BTBD9: variants seen among roughly 807,000 people sequenced by gnomAD.
The protein encoded by BTBD9 is BTB domain containing 9.
BTBD9 carries 49 observed loss-of-function variants against 64.3 expected under a neutral mutation model. That is an observed-to-expected ratio of 0.76 (90% CI 0.61 to 0.97). The LOEUF is 0.97. Ranked by LOEUF, BTBD9 falls within the 50% of genes least tolerant of loss-of-function variation. BTBD9 has a pLI of 0.00. For missense variants in BTBD9, 598 were observed against 762.1 expected (o/e 0.78, Z 2.53); for synonymous variants, 260 against 274.7 (o/e 0.95, Z 0.53).
At chr6:38,297,927 A>G (rs142786561) in intron 7 of BTBD9, among the ~76,000 whole-genome samples, 21 of 145,522 alleles carry the variant, frequency 1.4e-4, no homozygotes, top group Non-Finnish European at 2.7e-4. Context: ...TGCAAGCTCC[A>G]CCTCCTGGGT....
At chr6:38,480,870 G>T (rs185424713) in intron 6 of BTBD9, among the ~76,000 whole-genome samples, 1 of 152,300 alleles carries the variant, frequency 6.6e-6, no homozygotes, top group Admixed American at 6.5e-5. Flanking sequence ...CCATCACACA[G>T]GCTGACACTA....
intron 6 of BTBD9, among the ~76,000 whole-genome samples, chr6:38,470,196 A>G (rs1770585185): frequency 6.6e-6 from 1 of 152,246 alleles, no homozygotes; most frequent in Non-Finnish European, 1.5e-5. Context: ...TGCAGTTGTT[A>G]AACGGGCTTT....
intron 6 of BTBD9, among the ~76,000 whole-genome samples, chr6:38,362,284 AAAGTT>A (rs745394074): frequency 2.2e-4 from 33 of 152,334 alleles, no homozygotes; most frequent in Non-Finnish European, 4.4e-4. Context: ...ACGTTGTATC[AAAGTT>A]AAGTGTCTAC....
intron 9 of BTBD9, among the ~76,000 whole-genome samples, chr6:38,222,256 TG>T (rs547717895): frequency 0.017 from 2,015 of 115,882 alleles, 339 homozygotes; most frequent in African/African-American, 0.066. Context: ...TTCATTCAGT[TG>T]TTTTTTTTTT....
intron 7 of BTBD9, among the ~76,000 whole-genome samples, chr6:38,300,185 T>C (rs2127562954): frequency 6.6e-6 from 1 of 152,298 alleles, no homozygotes; most frequent in African/African-American, 2.4e-5. Context: ...CAGCATTATT[T>C]CTGAGGGCTC....
At chr6:38,588,107 C>T (rs1445359882) in intron 4 of BTBD9, 5 of 737,226 alleles carry the variant, frequency 6.8e-6, no homozygotes, top group Non-Finnish European at 1.3e-5. Context: ...TGCACCGTGT[C>T]TGCGGGCTCT....
At chr6:38,604,821 C>T (rs1477089841) in intron 1 of BTBD9, among the ~76,000 whole-genome samples, 1 of 152,114 alleles carries the variant, frequency 6.6e-6, no homozygotes, top group Admixed American at 6.6e-5. Context: ...GACTGCAATA[C>T]AAACCACAGG....
At chr6:38,218,245 C>G (rs1024718406) in intron 9 of BTBD9, among the ~76,000 whole-genome samples, 1 of 152,202 alleles carries the variant, frequency 6.6e-6, no homozygotes, top group Admixed American at 6.5e-5. Context: ...TTAGGCCACA[C>G]AGATCTCTGT....
chr6:38,442,946 G>A (rs1769104682), intron 6 of BTBD9, among the ~76,000 whole-genome samples: 1 of 152,040 alleles, frequency 6.6e-6, no homozygotes, highest in Non-Finnish European at 1.5e-5. Flanking sequence ...GGGATTACAT[G>A]TGTGAGCCAC....
chr6:38,334,035 T>G (rs972628025), intron 7 of BTBD9, among the ~76,000 whole-genome samples: 1 of 152,182 alleles, frequency 6.6e-6, no homozygotes, highest in Non-Finnish European at 1.5e-5. Flanking sequence ...CAGATGCAGA[T>G]GAGGAACTTA....
intron 6 of BTBD9, among the ~76,000 whole-genome samples, chr6:38,564,760 T>C (rs537509601): frequency 1.0e-3 from 158 of 151,854 alleles, no homozygotes; most frequent in Admixed American, 1.8e-3. Context: ...GGCGTGGTGG[T>C]AGGCACCTGT....
At chr6:38,196,115 A>G (rs1429001224) in intron 9 of BTBD9, among the ~76,000 whole-genome samples, 5 of 152,068 alleles carry the variant, frequency 3.3e-5, no homozygotes, top group Admixed American at 6.5e-5. Flanking sequence ...AGCAGGCTTT[A>G]CTCCTGGTCT....
rs1364341683 is a variant in BTBD9, at chr6:38,266,043, T to G, written c.1455-9527A>C. On this transcript the variant is annotated intron_variant, in intron 8 of 10. Coordinates refer to ENST00000481247, the MANE Select transcript of BTBD9 (RefSeq NM_001099272.2). ...CACAGTCCTCACTAGTTTCAAAATG[T>G]TTTTGCATACATTATCACATTTGGA... Among the ~76,000 whole-genome samples, 3 of 152,308 alleles carry G rather than the reference T, an allele frequency of 2.0e-5. No individual in the cohort carries two copies. In the East Asian group the frequency reaches 5.8e-4, roughly 29 times the overall value.
At chr6:38,352,776 A>T (rs1454065332) in intron 6 of BTBD9, among the ~76,000 whole-genome samples, 1 of 152,162 alleles carries the variant, frequency 6.6e-6, no homozygotes, top group Non-Finnish European at 1.5e-5. Flanking sequence ...AAAATAAAAC[A>T]AACATAGCTA....
In BTBD9 at chr6:38,592,581, A is replaced by T; in HGVS notation, c.809T>A (p.Met270Lys). The T allele has an allele frequency of 6.2e-7, 1 of 1,614,098 alleles. No individual in the cohort carries two copies. Among genetic ancestry groups the T allele is most frequent in the Admixed American group, 1.7e-5 (1 of 60,020 alleles). The change falls in exon 4 of 11, where the codon ATG becomes AAG. Residue 270 changes from methionine (M) to lysine (K), a missense_variant. Coordinates refer to ENST00000481247, the MANE Select transcript of BTBD9 (RefSeq NM_001099272.2). ...SRDMDLNYRG[M>K]LIPEENIATM... ...TAGGATAGACAGGTACTTACTGAGCATGCCTCTATAATTGAGGTCCATATC... is the reference window on the plus strand; with the variant it reads ...TAGGATAGACAGGTACTTACTGAGCTTGCCTCTATAATTGAGGTCCATATC...
intron 7 of BTBD9, among the ~76,000 whole-genome samples, chr6:38,310,016 T>G (rs1195120926): frequency 1.3e-5 from 2 of 152,098 alleles, no homozygotes; most frequent in African/African-American, 4.8e-5. Flanking sequence ...AGGTGAGACA[T>G]AACACCAAAT....
intron 6 of BTBD9, among the ~76,000 whole-genome samples, chr6:38,444,685 A>T (rs1290711689): frequency 1.3e-5 from 2 of 152,158 alleles, no homozygotes; most frequent in East Asian, 1.9e-4. Flanking sequence ...CCTTTTTCAT[A>T]GGGCTGCTAT....
At chr6:38,529,816 G>A (rs949668913) in intron 6 of BTBD9, among the ~76,000 whole-genome samples, 2 of 147,548 alleles carry the variant, frequency 1.4e-5, no homozygotes, top group African/African-American at 2.5e-5. Context: ...ATTGTAAAAC[G>A]TGTGTTTGAA....
chr6:38,593,890 T>C (rs530770607), intron 3 of BTBD9, 74 bp downstream of exon 3: 27 of 1,295,566 alleles, frequency 2.1e-5, no homozygotes, highest in African/African-American at 1.3e-4. Flanking sequence ...TCTTAGTCCA[T>C]TGCTATACTT....
Sources: allele counts gnomAD v4.1 joint callset (sites outside exome capture counted in the v4.1 genomes callset), GRCh38; gene constraint gnomAD v4.1.1; transcripts MANE v1.5; gene names NCBI Gene and HGNC (gene_info 2026-07-23, HGNC 2026-07-21).